JPH2: variants seen among roughly 807,000 people sequenced by gnomAD.
JPH2 encodes junctophilin-2.
Under a neutral mutation model 55.9 loss-of-function variants are expected in JPH2, and 38 were observed. The observed-to-expected ratio is 0.68, with a 90% confidence interval of 0.52 to 0.89. The LOEUF is 0.89. Ranked by LOEUF, JPH2 falls within the 40% of genes least tolerant of loss-of-function variation. The pLI is 0.00. For synonymous variants in JPH2, 480 were observed against 472.4 expected, an observed-to-expected ratio of 1.02 and a Z score of -0.21; for missense variants, 964 against 1,037.6, an observed-to-expected ratio of 0.93 and a Z score of 0.97.
chr20:44,132,357 C>CAG (rs1219211679), intron 2 of JPH2, among the ~76,000 whole-genome samples: 1,204 of 78,430 alleles, frequency 0.015, 15 homozygotes, highest in African/African-American at 0.048. Context: ...GACAGACAGA[C>CAG]ACACACACAC....
chr20:44,138,044 A>G (rs1004689154), intron 2 of JPH2, among the ~76,000 whole-genome samples: 2 of 147,956 alleles, frequency 1.4e-5, no homozygotes, highest in East Asian at 2.0e-4. Context: ...GTCTTGCCCT[A>G]TCACCCAGGC....
At chr20:44,134,703 T>TTATTATA (rs2072388716) in intron 2 of JPH2, among the ~76,000 whole-genome samples, 1 of 45,904 alleles carries the variant, frequency 2.2e-5, no homozygotes, top group Non-Finnish European at 3.7e-5. Flanking sequence ...ATATATACAT[T>TTATTATA]AATATATATT....
chr20:44,115,564 G>A (rs567995945), intron 4 of JPH2, 101 bp downstream of exon 4: 5 of 1,489,294 alleles, frequency 3.4e-6, no homozygotes, highest in Admixed American at 3.5e-5. Flanking sequence ...TCGGTCTCTC[G>A]CACCCCAGCA....
At chr20:44,139,157 A>G (rs557799226) in intron 2 of JPH2, among the ~76,000 whole-genome samples, 1 of 152,186 alleles carries the variant, frequency 6.6e-6, no homozygotes, top group Non-Finnish European at 1.5e-5. Context: ...TTTCCCCCCA[A>G]GGACAAGGCA....
intron 1 of JPH2, among the ~76,000 whole-genome samples, chr20:44,169,126 G>A (rs1014745253): frequency 4.0e-5 from 6 of 151,492 alleles, no homozygotes; most frequent in African/African-American, 9.7e-5. Context: ...CACCAGAATC[G>A]TTAATCAAAT....
At chr20:44,179,335 T>C (rs796584961) in intron 1 of JPH2, among the ~76,000 whole-genome samples, 10 of 152,272 alleles carry the variant, frequency 6.6e-5, no homozygotes, top group African/African-American at 2.4e-4. Context: ...AAAATACATA[T>C]TTTTTTGCAT....
chr20:44,177,343 G>A (rs2072742893), intron 1 of JPH2: 5 of 987,104 alleles, frequency 5.1e-6, no homozygotes, highest in Non-Finnish European at 6.0e-6. Context: ...CCTGCTCCGG[G>A]GAACAGCTGC....
rs1322308868 is a variant in JPH2 at position 44,107,203 on chromosome 20, C to T, written c.*6315G>A. On this transcript the variant is annotated 3_prime_UTR_variant, in exon 6 of 6. Coordinates refer to ENST00000372980, the MANE Select transcript of JPH2 (RefSeq NM_020433.5). ...GTCTGTCCAATTCCAAAGCCCCAAC[C>T]CATCCCCACTCCCCAACCATACTGC... is the stretch of plus-strand genomic sequence containing the variant. Among the ~76,000 whole-genome samples the T allele has an allele frequency of 6.6e-6, 1 of 152,186 alleles. No homozygotes were observed. Among genetic ancestry groups the T allele is most frequent in the African/African-American group, 2.4e-5 (1 of 41,444 alleles).
chr20:44,169,217 C>T (rs2072679389), intron 1 of JPH2, among the ~76,000 whole-genome samples: 1 of 147,550 alleles, frequency 6.8e-6, no homozygotes, highest in Non-Finnish European at 1.5e-5. Context: ...TTCTCTGTTG[C>T]CCAGGCTGGA....
intron 2 of JPH2, among the ~76,000 whole-genome samples, chr20:44,146,637 C>A (rs2072496054): frequency 6.6e-6 from 1 of 152,208 alleles, no homozygotes; most frequent in Non-Finnish European, 1.5e-5. Flanking sequence ...AACTTCCTAC[C>A]TATCCAGGCA....
chr20:44,137,251 A>G (rs997086327), intron 2 of JPH2, among the ~76,000 whole-genome samples: 3 of 56,842 alleles, frequency 5.3e-5, no homozygotes, highest in African/African-American at 1.9e-4. Flanking sequence ...GCCCCGCCCC[A>G]CCCCACCCGG....
chr20:44,186,289 G>T (rs2072839891), intron 1 of JPH2, 38 bp downstream of exon 1: 2 of 1,602,800 alleles, frequency 1.2e-6, no homozygotes, highest in African/African-American at 1.4e-5. Context: ...ACCCTCCCTG[G>T]CTCCACCCCA....
chr20:44,137,154 G>A lies in JPH2; in HGVS notation c.1170-18531C>T, dbSNP rs1467349544. 3.3e-5 allele frequency among the ~76,000 whole-genome samples: 5 copies of A among 152,246 alleles called. No homozygotes were observed. The South Asian group carries it at 6.2e-4, about 19-fold the overall frequency. ...CTATTTTTTGTTATCACTACTTAGC[G>A]GATTTTCTCCCCAAGGGTTGGGCTC... is the stretch of plus-strand genomic sequence containing the variant. On this transcript the variant is annotated intron_variant, in intron 2 of 5. Transcript: ENST00000372980.
At chr20:44,115,037 C>T (rs1473646725) in intron 4 of JPH2, among the ~76,000 whole-genome samples, 161 bp from the exon 5 acceptor site, 1 of 152,102 alleles carries the variant, frequency 6.6e-6, no homozygotes, top group Non-Finnish European at 1.5e-5. Context: ...GGATGGCAGA[C>T]CATCACAGCT....
At chr20:44,161,496 C>T (rs961500099) in intron 1 of JPH2, among the ~76,000 whole-genome samples, 2 of 152,144 alleles carry the variant, frequency 1.3e-5, no homozygotes, top group African/African-American at 4.8e-5. Context: ...TGCCTCTGCC[C>T]TTACTAGCTG....
chr20:44,115,830 T>G lies in JPH2; in HGVS notation c.1845A>C (p.Ala615=), dbSNP rs766000819. The change falls in exon 4 of 6, where the codon GCA becomes GCC. Residue 615 remains alanine, a synonymous_variant. Transcript: ENST00000372980. ...GCTCCAGCTTGGCGGGGGTCTCGCG[T>G]GCAGGCTCGGGGCCTCGGAGCGTGG... ...QAPTLRGPEP[A]RETPAKLEPK... The G allele has an allele frequency of 6.9e-6, 11 of 1,599,554 alleles. No individual in the cohort carries two copies. Among genetic ancestry groups the G allele is most frequent in the Non-Finnish European group, 8.5e-6 (10 of 1,177,604 alleles).
rs926650625 is a variant in JPH2, at chr20:44,186,923, T to C, written c.-218A>G. 3.5e-5 allele frequency: 21 copies of C among 596,988 alleles called. No homozygotes were observed. Among genetic ancestry groups the C allele is most frequent in the Non-Finnish European group, 5.7e-5 (19 of 335,704 alleles). 37.0% of individuals were successfully genotyped at this position (596,988 alleles called of 1,614,324 possible). A position where few individuals can be genotyped will look rare whatever the true frequency, so the allele number is the denominator to read the frequency against. ...CAGTGCCATGCCCGGGAGCCCCGAC[T>C]CCACCAGCCAGAGCAAGGCTGCCTG... On this transcript the variant is annotated 5_prime_UTR_variant, in exon 1 of 6. Transcript: ENST00000372980.
intron 1 of JPH2, among the ~76,000 whole-genome samples, chr20:44,163,311 C>T (rs1216142101): frequency 1.3e-5 from 2 of 152,132 alleles, no homozygotes; most frequent in Non-Finnish European, 2.9e-5. Context: ...CATTGTCTGC[C>T]TGTCAATGAT....
Position 44,160,139 on chromosome 20 carries a change from C to T in JPH2, c.648G>A (p.Lys216=), listed in dbSNP as rs796219248. The T allele has an allele frequency of 3.4e-4, 491 of 1,450,168 alleles. No individual in the cohort carries two copies. Among genetic ancestry groups the T allele is most frequent in the Non-Finnish European group, 4.2e-4 (468 of 1,110,868 alleles). 89.8% of individuals were successfully genotyped at this position (1,450,168 alleles called of 1,614,324 possible). Residue 216 remains lysine, a synonymous_variant, in exon 2 of 6, where the codon AAG becomes AAA. Coordinates refer to ENST00000372980, the MANE Select transcript of JPH2 (RefSeq NM_020433.5). This position sits in a 1 kb window ranked among gnomAD's most constrained non-coding sequence, Gnocchi z 4.9. ...CGCCCCGCTGGAAGAGGCCGCCGCCCTTGGGCGCCCGCGCGGCCGCCTCGG... is the reference window on the plus strand; with the variant it reads ...CGCCCCGCTGGAAGAGGCCGCCGCCTTTGGGCGCCCGCGCGGCCGCCTCGG... ...ANAEAAARAP[K]GGGLFQRGAL...
Sources: allele counts gnomAD v4.1 joint callset (sites outside exome capture counted in the v4.1 genomes callset), GRCh38; gene constraint gnomAD v4.1.1; non-coding constraint Gnocchi (gnomAD v3.1); transcripts MANE v1.5; gene names NCBI Gene and HGNC (gene_info 2026-07-23, HGNC 2026-07-21).